The following GALNT10 variants were observed in gnomAD, a reference collection of about 807,000 sequenced individuals.
GALNT10 encodes the protein polypeptide N-acetylgalactosaminyltransferase 10.
In GALNT10, 41 loss-of-function variants were observed where a neutral mutation model predicts 75.0. The observed-to-expected ratio is 0.55, with a 90% CI of 0.43 to 0.71. GALNT10 has a LOEUF of 0.71. GALNT10 is among the 30% of genes least tolerant of loss of function. GALNT10 has a pLI of 0.00. For missense variants in GALNT10, 727 were observed against 818.5 expected (o/e 0.89, Z 1.36); for synonymous variants, 302 against 313.0 (o/e 0.96, Z 0.37).
At chr5:154,401,987 G>A (rs1016237012) in intron 7 of GALNT10, among the ~76,000 whole-genome samples, 3 of 151,964 alleles carry the variant, frequency 2.0e-5, no homozygotes, top group African/African-American at 7.3e-5. Flanking sequence ...TCCCCCCATC[G>A]CCTCAGCACC....
chr5:154,371,880 A>G (rs1755576743), intron 4 of GALNT10, among the ~76,000 whole-genome samples: 1 of 152,120 alleles, frequency 6.6e-6, no homozygotes. Flanking sequence ...CACAAGTTGA[A>G]GTTGTTACAT....
At chr5:154,313,676 C>T (rs1317708280) in intron 3 of GALNT10, among the ~76,000 whole-genome samples, 1 of 152,146 alleles carries the variant, frequency 6.6e-6, no homozygotes, top group Non-Finnish European at 1.5e-5. Context: ...CTTTTGGGTC[C>T]TTTTATTCCA....
At chr5:154,216,145 C>G (rs1446300580) in intron 1 of GALNT10, among the ~76,000 whole-genome samples, 1 of 152,126 alleles carries the variant, frequency 6.6e-6, no homozygotes, top group Non-Finnish European at 1.5e-5. Context: ...TCTTGGAGAT[C>G]ATCCCAGCCA....
rs751629422 is a variant in GALNT10, at chr5:154,415,771, C to T, written c.1504-12C>T. The T allele has an allele frequency of 1.9e-6, 3 of 1,605,556 alleles. No individual in the cohort carries two copies. The highest frequency in any genetic ancestry group is 2.7e-5 in the African/African-American group (2 of 74,584). ...GCTTTGCTATCCCTATTTATGATGC[C>T]CCTGTGCACAGGTATTCACCTTCAC... is the stretch of plus-strand genomic sequence containing the variant. On this transcript the variant is annotated splice_polypyrimidine_tract_variant and intron_variant, in intron 10 of 11. Transcript: ENST00000297107.
intron 7 of GALNT10, among the ~76,000 whole-genome samples, chr5:154,401,674 T>C (rs1473857053): frequency 1.3e-5 from 2 of 152,044 alleles, no homozygotes; most frequent in Non-Finnish European, 2.9e-5. Context: ...TTCCAATAAT[T>C]GCAGCCCTGT....
At chr5:154,279,304 GTTT>G (rs1199051669) in intron 1 of GALNT10, among the ~76,000 whole-genome samples, 19 of 101,384 alleles carry the variant, frequency 1.9e-4, no homozygotes, top group African/African-American at 6.2e-4. Context: ...TTGTTGTTTT[GTTT>G]TTTTTTTTTT....
intron 4 of GALNT10, among the ~76,000 whole-genome samples, chr5:154,367,053 G>A (rs1040195304): frequency 6.6e-6 from 1 of 152,046 alleles, no homozygotes; most frequent in Non-Finnish European, 1.5e-5. Flanking sequence ...AGTTTACAGG[G>A]TCATCATGTC....
chr5:154,283,430 G>A (rs1372426765), intron 1 of GALNT10, among the ~76,000 whole-genome samples: 1 of 152,006 alleles, frequency 6.6e-6, no homozygotes, highest in African/African-American at 2.4e-5. Context: ...AAGCCAGCCT[G>A]GGCAGCAGAG....
chr5:154,369,586 G>A (rs933616682), intron 4 of GALNT10, among the ~76,000 whole-genome samples: 4 of 152,272 alleles, frequency 2.6e-5, no homozygotes, highest in Middle Eastern at 3.4e-3. Context: ...GTTTACTAAC[G>A]TGTACCCTCC....
chr5:154,409,415 G>T lies in GALNT10; in HGVS notation c.1165-126G>T. ...ACAGAAGGCCTAAACTCACGGTGGGGCTGGGATTTTTGATGGAACATAAAA... is the reference window on the plus strand; with the variant it reads ...ACAGAAGGCCTAAACTCACGGTGGGTCTGGGATTTTTGATGGAACATAAAA... On this transcript the variant is annotated intron_variant, in intron 8 of 11. Coordinates refer to ENST00000297107, the MANE Select transcript of GALNT10 (RefSeq NM_198321.4). The surrounding 1 kb of genome is among the most constrained non-coding windows in gnomAD (Gnocchi z 4.5). The T allele has an allele frequency of 1.3e-6, 1 of 763,864 alleles. No homozygotes were observed. Among genetic ancestry groups the T allele is most frequent in the Non-Finnish European group, 2.4e-6 (1 of 414,156 alleles). The allele number at this position is 763,864 out of a possible 1,614,324, so 47.3% of individuals were successfully genotyped here.
intron 1 of GALNT10, among the ~76,000 whole-genome samples, chr5:154,239,269 T>C (rs1487162965): frequency 6.6e-6 from 1 of 152,220 alleles, no homozygotes; most frequent in African/African-American, 2.4e-5. Context: ...TCGCCTCCCT[T>C]CTGCCTACCT....
At chr5:154,322,387 G>A (rs1423107973) in intron 3 of GALNT10, among the ~76,000 whole-genome samples, 1 of 152,092 alleles carries the variant, frequency 6.6e-6, no homozygotes, top group Non-Finnish European at 1.5e-5. Context: ...TACTTCTTCT[G>A]TCTCATCTTT....
intron 4 of GALNT10, among the ~76,000 whole-genome samples, chr5:154,361,542 T>G (rs1247007203): frequency 6.6e-6 from 1 of 152,262 alleles, no homozygotes; most frequent in Non-Finnish European, 1.5e-5. Context: ...TTACTTGGTT[T>G]CTGATCGGCT....
At chr5:154,347,297 G>T (rs774862783) in intron 4 of GALNT10, 3 of 459,102 alleles carry the variant, frequency 6.5e-6, no homozygotes, top group Admixed American at 3.1e-5. Flanking sequence ...AATTTATTTG[G>T]ATCAAGAGTG....
intron 3 of GALNT10, among the ~76,000 whole-genome samples, chr5:154,316,410 T>C (rs1374287558): frequency 2.6e-5 from 4 of 152,234 alleles, no homozygotes; most frequent in Non-Finnish European, 5.9e-5. Context: ...ACGAGGCACC[T>C]TCCAACTCCA....
In GALNT10 at chr5:154,412,571, C is replaced by T. The variant is rs957956116; in HGVS notation, c.1387-318C>T. On this transcript the variant is annotated intron_variant, in intron 9 of 11. Transcript: ENST00000297107. The surrounding 1 kb of genome is among the most constrained non-coding windows in gnomAD (Gnocchi z 4.2). ...GGTAAAATCTGGTTCCTGGACCTGT[C>T]GGTTCAATTTCTCCAGGAGTAGGGC... is the stretch of plus-strand genomic sequence containing the variant. The T allele has an allele frequency of 1.6e-5, 5 of 307,206 alleles. No individual in the cohort carries two copies. Among genetic ancestry groups the T allele is most frequent in the South Asian group, 2.9e-5 (1 of 33,908 alleles). 19.0% of individuals were successfully genotyped at this position (307,206 alleles called of 1,614,324 possible). A position where few individuals can be genotyped will look rare whatever the true frequency, so the allele number is the denominator to read the frequency against.
At chr5:154,342,634 G>T (rs1394714448) in intron 4 of GALNT10, among the ~76,000 whole-genome samples, 1 of 152,168 alleles carries the variant, frequency 6.6e-6, no homozygotes, top group Non-Finnish European at 1.5e-5. Context: ...TGATGTCTTT[G>T]AATGTATACC....
chr5:154,273,839 A>T (rs1753909163), intron 1 of GALNT10, among the ~76,000 whole-genome samples: 1 of 152,224 alleles, frequency 6.6e-6, no homozygotes. Flanking sequence ...AAGCAGTGGA[A>T]CACTTTTCAC....
At chr5:154,291,489 G>T (rs1754194848) in intron 1 of GALNT10, among the ~76,000 whole-genome samples, 2 of 152,198 alleles carry the variant, frequency 1.3e-5, no homozygotes, top group South Asian at 4.1e-4. Context: ...AATTTGAGAA[G>T]CACTAGTCCC....
Sources: allele counts gnomAD v4.1 joint callset (sites outside exome capture counted in the v4.1 genomes callset), GRCh38; gene constraint gnomAD v4.1.1; non-coding constraint Gnocchi (gnomAD v3.1); transcripts MANE v1.5; gene names NCBI Gene and HGNC (gene_info 2026-07-23, HGNC 2026-07-21).